ZNF611: variants seen among roughly 807,000 people sequenced by gnomAD.
The protein encoded by ZNF611 is zinc finger protein 611.
Under a neutral mutation model 8.9 loss-of-function variants are expected in ZNF611, and 6 were observed. That is an observed-to-expected ratio of 0.68 (90% CI 0.37 to 1.34). The LOEUF (loss-of-function observed/expected upper bound fraction) is 1.34, where lower values mean the gene tolerates loss of function less well. Among genes scored for constraint, ZNF611 ranks in the 40% most tolerant of loss-of-function variants. The pLI, the probability that ZNF611 is intolerant of heterozygous loss-of-function variation, is 0.02. For synonymous variants in ZNF611, 262 were observed against 279.7 expected, an observed-to-expected ratio of 0.94 and a Z score of 0.63; for missense variants, 874 against 841.3, an observed-to-expected ratio of 1.04 and a Z score of -0.48.
Position 52,706,236 on chromosome 19 carries a change from G to C in ZNF611, c.819C>G (p.Tyr273Ter). The C allele has an allele frequency of 6.2e-7, 1 of 1,614,108 alleles. No homozygotes were observed. Among genetic ancestry groups the C allele is most frequent in the Non-Finnish European group, 8.5e-7 (1 of 1,180,006 alleles). Reference sequence around the variant, plus strand: ...TGTGACATCTATCATGGCATGCAAGGTATTGCTCGTGATTAAAGAGCTTGC... The same window carrying C: ...TGTGACATCTATCATGGCATGCAAGCTATTGCTCGTGATTAAAGAGCTTGC... ...VCGKLFNHEQ[Y>*]LACHDRCHTV... Residue 273 changes from tyrosine to a stop codon, truncating the protein, a stop_gained, in exon 6 of 6, where the codon TAC becomes TAG. Transcript: ENST00000652185. LOFTEE classifies it low-confidence loss of function (END_TRUNC).
chr19:52,714,386 A>T (rs2062300839), intron 4 of ZNF611, among the ~76,000 whole-genome samples: 1 of 152,074 alleles, frequency 6.6e-6, no homozygotes, highest in Non-Finnish European at 1.5e-5. Flanking sequence ...AAAAACTATA[A>T]AAATAAAAAG....
At position 52,730,423 on chromosome 19, in the gene ZNF611, A is replaced by AACAAAAC. The variant is rs1568610630; in HGVS notation, c.-221-419_-221-418insGTTTTGT. 1.4e-4 allele frequency among the ~76,000 whole-genome samples: 18 copies of AACAAAAC among 132,776 alleles called. 4 individuals are homozygous for AACAAAAC. Among genetic ancestry groups the AACAAAAC allele is most frequent in the Non-Finnish European group, 1.4e-4 (9 of 62,518 alleles). 87.1% of individuals were successfully genotyped at this position (132,776 alleles called of 152,430 possible). ...AAAAAAAAAAAAAAAAAAAAAAAAA[A>AACAAAAC]ACATGATGTAGGCTCCTTGGTCTGA... On this transcript the variant is annotated intron_variant, in intron 1 of 5. Transcript: ENST00000652185.
At chr19:52,720,721 G>A (rs986449432) in intron 3 of ZNF611, among the ~76,000 whole-genome samples, 1 of 151,284 alleles carries the variant, frequency 6.6e-6, no homozygotes, top group South Asian at 2.1e-4. Flanking sequence ...GCCGGGCAGA[G>A]GCACTCCTCA....
intron 5 of ZNF611, among the ~76,000 whole-genome samples, chr19:52,710,305 C>A (rs1488283584): frequency 6.6e-6 from 1 of 150,834 alleles, no homozygotes; most frequent in African/African-American, 2.4e-5. Flanking sequence ...TCATGGCTCA[C>A]TGCAACATCC....
intron 1 of ZNF611, among the ~76,000 whole-genome samples, chr19:52,733,300 GC>G (rs2062436791): frequency 6.6e-6 from 1 of 151,790 alleles, no homozygotes; most frequent in African/African-American, 2.4e-5. Flanking sequence ...CCAGTCTCTC[GC>G]CCCTTTTTTT....
chr19:52,733,927 C>G (rs1377186118), intron 1 of ZNF611, among the ~76,000 whole-genome samples: 1 of 148,760 alleles, frequency 6.7e-6, no homozygotes, highest in African/African-American at 2.5e-5. Flanking sequence ...CCATCTTCCC[C>G]GATATACTCC....
chr19:52,704,491 C>A lies in ZNF611; in HGVS notation c.*446G>T. 1.1e-6 allele frequency: 1 copy of A among 911,648 alleles called. No individual in the cohort carries two copies. Among genetic ancestry groups the A allele is most frequent in the South Asian group, 1.4e-5 (1 of 73,280 alleles). The allele number at this position is 911,648 out of a possible 1,614,324, so 56.5% of individuals were successfully genotyped here. ...ATGTTTTGCATAGGATGAAGCTTGA[C>A]TGAAGACCTTGGCACAGTCATGACA... On this transcript the variant is annotated 3_prime_UTR_variant, in exon 6 of 6. Coordinates refer to ENST00000652185, the MANE Select transcript of ZNF611 (RefSeq NM_001161499.2).
At position 52,708,870 on chromosome 19, in the gene ZNF611, T is replaced by G. The variant is rs1320293725; in HGVS notation, c.191-2006A>C. On this transcript the variant is annotated intron_variant, in intron 5 of 5. Transcript: ENST00000652185. The stretch of plus-strand genomic sequence containing the variant: ...ATAAACAAAGGAAGAAAGAATTGAC[T>G]AATAGTATAGAAAAGTGTAATTATG... The G allele has an allele frequency of 3.9e-5, 6 of 152,026 alleles. No individual in the cohort carries two copies. The East Asian group carries it at 1.2e-3, about 29-fold the overall frequency. The allele number at this position is 152,026 out of a possible 1,614,324, so 9.4% of individuals were successfully genotyped here.
At chr19:52,733,768 T>C (rs1389832323) in intron 1 of ZNF611, among the ~76,000 whole-genome samples, 3 of 152,054 alleles carry the variant, frequency 2.0e-5, no homozygotes, top group Non-Finnish European at 4.4e-5. Context: ...CTTCCCTTTA[T>C]TCCTTCTCTT....
chr19:52,728,941 T>A (rs2062408338), intron 2 of ZNF611, 110 bp from the exon 3 acceptor site: 1 of 153,678 alleles, frequency 6.5e-6, no homozygotes, highest in South Asian at 2.1e-4. Context: ...TTCCCAAACA[T>A]AATCTTCAAA....
At chr19:52,726,562 G>C (rs996547217) in intron 3 of ZNF611, among the ~76,000 whole-genome samples, 1 of 151,968 alleles carries the variant, frequency 6.6e-6, no homozygotes, top group Non-Finnish European at 1.5e-5. Context: ...GGGACTACAG[G>C]TGCCCGCCAC....
At chr19:52,715,948 A>G in intron 3 of ZNF611, 35 bp from the exon 4 acceptor site, 1 of 1,609,320 alleles carries the variant, frequency 6.2e-7, no homozygotes, top group Non-Finnish European at 8.5e-7. Flanking sequence ...TCATGTTAGA[A>G]ATGACTCACT....
chr19:52,716,795 G>A (rs1484978669), intron 3 of ZNF611, among the ~76,000 whole-genome samples: 1 of 152,138 alleles, frequency 6.6e-6, no homozygotes, highest in East Asian at 1.9e-4. Context: ...AGTGGCTCAG[G>A]ACTGTAATCC....
At chr19:52,726,160 G>A (rs2062391608) in intron 3 of ZNF611, among the ~76,000 whole-genome samples, 2 of 152,170 alleles carry the variant, frequency 1.3e-5, no homozygotes, top group Non-Finnish European at 2.9e-5. Flanking sequence ...CTCAGCTTCA[G>A]AGACTTCCCT....
chr19:52,704,188 A>G lies in ZNF611; in HGVS notation c.*749T>C. 2.6e-6 allele frequency: 1 copy of G among 390,254 alleles called. No individual in the cohort carries two copies. Among genetic ancestry groups the G allele is most frequent in the Non-Finnish European group, 5.2e-6 (1 of 192,058 alleles). The allele number at this position is 390,254 out of a possible 1,614,324, so 24.2% of individuals were successfully genotyped here. A position where few individuals can be genotyped will look rare whatever the true frequency, so the allele number is the denominator to read the frequency against. On this transcript the variant is annotated 3_prime_UTR_variant, in exon 6 of 6. Coordinates refer to ENST00000652185, the MANE Select transcript of ZNF611 (RefSeq NM_001161499.2). ...CAATAAAGGCTTGAACTCAATGTTA[A>G]GTCAACACAAACTCAAGTCAATGCT...
chr19:52,708,011 A>T (rs1387484975), intron 5 of ZNF611, among the ~76,000 whole-genome samples: 1 of 152,140 alleles, frequency 6.6e-6, no homozygotes, highest in Non-Finnish European at 1.5e-5. Context: ...AAATTATAAA[A>T]ATTAATTAAT....
rs758419557 is a variant in ZNF611, at chr19:52,706,005, C to T, written c.1050G>A (p.Lys350=). The T allele has an allele frequency of 2.5e-6, 4 of 1,614,072 alleles. No individual in the cohort carries two copies. Among genetic ancestry groups the T allele is most frequent in the South Asian group, 1.1e-5 (1 of 91,084 alleles). The part of the protein sequence containing the change: ...ENPYKCNECD[K]AFNQQSQLSH... ...AAAGTTGTGATTGTTGATTAAAAGCCTTGTCACATTCATTACACTTGTAAG... is the reference window on the plus strand; with the variant it reads ...AAAGTTGTGATTGTTGATTAAAAGCTTTGTCACATTCATTACACTTGTAAG... Residue 350 remains lysine (K), a synonymous_variant, in exon 6 of 6, where the codon AAG becomes AAA. Transcript: ENST00000652185.
Position 52,704,392 on chromosome 19 carries a change from A to G in ZNF611, c.*545T>C. On this transcript the variant is annotated 3_prime_UTR_variant, in exon 6 of 6. Coordinates refer to ENST00000652185, the MANE Select transcript of ZNF611 (RefSeq NM_001161499.2). ...AGTATAGATTCTCTGATGTCTAATG[A>G]CGTGTGAACGTGAAGCAAAGGCTTT... The G allele has an allele frequency of 1.5e-6, 1 of 657,888 alleles. No homozygotes were observed. The highest frequency in any genetic ancestry group is 2.9e-6 in the Non-Finnish European group (1 of 344,106). The allele number at this position is 657,888 out of a possible 1,614,324, so 40.8% of individuals were successfully genotyped here.
rs2062240993 is a variant in ZNF611, at chr19:52,706,047, A to G, written c.1008T>C (p.Ile336=). 1.2e-6 allele frequency: 2 copies of G among 1,614,120 alleles called. No homozygotes were observed. Among genetic ancestry groups the G allele is most frequent in the African/African-American group, 1.3e-5 (1 of 75,016 alleles). ...ACTTGTAAGGATTTTCTCCAGTATCAATTGCCTTATCAATTAGAAGGGCTG... is the reference window on the plus strand; with the variant it reads ...ACTTGTAAGGATTTTCTCCAGTATCGATTGCCTTATCAATTAGAAGGGCTG... ...QNSALLIDKA[I]DTGENPYKCN... is the part of the protein sequence containing the mutation. The change falls in exon 6 of 6, where the codon ATT becomes ATC. Residue 336 remains isoleucine (I), a synonymous_variant. Coordinates refer to ENST00000652185, the MANE Select transcript of ZNF611 (RefSeq NM_001161499.2).
Sources: allele counts gnomAD v4.1 joint callset (sites outside exome capture counted in the v4.1 genomes callset), GRCh38; gene constraint gnomAD v4.1.1; transcripts MANE v1.5; gene names NCBI Gene and HGNC (gene_info 2026-07-23, HGNC 2026-07-21).